SLIT1: variants seen among roughly 807,000 people sequenced by gnomAD.
The protein encoded by SLIT1 is slit guidance ligand 1.
Under a neutral mutation model 186.1 loss-of-function variants are expected in SLIT1, and 66 were observed. The observed-to-expected ratio is 0.35, with a 90% confidence interval of 0.29 to 0.44. SLIT1 has a LOEUF of 0.44. Among genes scored for constraint, SLIT1 ranks in the 20% least tolerant of loss-of-function variants. The pLI is 1.00. For missense variants in SLIT1, 1,638 were observed against 2,037.4 expected, an observed-to-expected ratio of 0.80 and a Z score of 3.77; for synonymous variants, 761 against 833.8, an observed-to-expected ratio of 0.91 and a Z score of 1.50.
intron 12 of SLIT1, among the ~76,000 whole-genome samples, chr10:97,056,757 T>A (rs1250170006): frequency 2.3e-5 from 3 of 128,216 alleles, no homozygotes; most frequent in Admixed American, 7.2e-5. Flanking sequence ...TGTGAAGGCA[T>A]TTTTGGGGGG....
intron 4 of SLIT1, among the ~76,000 whole-genome samples, chr10:97,143,922 GC>G (rs1489803715): frequency 6.6e-6 from 1 of 152,234 alleles, no homozygotes; most frequent in Non-Finnish European, 1.5e-5. Flanking sequence ...AACAGGCTGA[GC>G]GCAGTGGCTC....
intron 16 of SLIT1, among the ~76,000 whole-genome samples, chr10:97,047,410 C>T (rs568462229): frequency 5.3e-5 from 8 of 152,288 alleles, no homozygotes; most frequent in South Asian, 4.2e-4. Context: ...ATAAGACAAA[C>T]GCATCGTTGA....
chr10:97,183,964 A>AC (rs1850375649), intron 1 of SLIT1, among the ~76,000 whole-genome samples: 1 of 147,074 alleles, frequency 6.8e-6, no homozygotes, highest in Non-Finnish European at 1.5e-5. Flanking sequence ...GTTTGGTACC[A>AC]CCTCTCCCCA....
At chr10:97,140,163 C>T (rs918969613) in intron 4 of SLIT1, among the ~76,000 whole-genome samples, 2 of 152,104 alleles carry the variant, frequency 1.3e-5, no homozygotes, top group Non-Finnish European at 2.9e-5. Context: ...GCCCCTGTCT[C>T]CCTGCCAAGG....
chr10:97,032,611 T>C (rs930268942), intron 23 of SLIT1, among the ~76,000 whole-genome samples: 2 of 151,694 alleles, frequency 1.3e-5, no homozygotes, highest in Non-Finnish European at 2.9e-5. Context: ...ATTTTCATTA[T>C]AGCTTTCAGT....
At chr10:97,128,008 G>A (rs553212321) in intron 4 of SLIT1, among the ~76,000 whole-genome samples, 1 of 152,128 alleles carries the variant, frequency 6.6e-6, no homozygotes, top group South Asian at 2.1e-4. Flanking sequence ...TCCCACACTG[G>A]CCTCCAAGAA....
In SLIT1 at chr10:97,021,392, T is replaced by C. The variant is rs1196784378; in HGVS notation, c.2604A>G (p.Leu868=). The C allele has an allele frequency of 1.2e-5, 20 of 1,614,010 alleles. No homozygotes were observed. Among genetic ancestry groups the C allele is most frequent in the South Asian group, 3.3e-5 (3 of 91,070 alleles). Residue 868 remains leucine, a synonymous_variant, in exon 26 of 37, where the codon CTA becomes CTG. Coordinates refer to ENST00000266058, the MANE Select transcript of SLIT1 (RefSeq NM_003061.3). The surrounding 1 kb of genome is among the most constrained non-coding windows in gnomAD (Gnocchi z 4.5). ...GCCAGCGGAGGTGGCAGTCACAGTA[T>C]AGGGGGTTGGCACCAATGGCCCTGA... ...LSHLAIGANP[L]YCDCHLRWLS...
At chr10:97,078,333 C>A (rs1457441151) in intron 4 of SLIT1, among the ~76,000 whole-genome samples, 2 of 152,138 alleles carry the variant, frequency 1.3e-5, no homozygotes, top group African/African-American at 4.8e-5. Flanking sequence ...CGCGAAGCCA[C>A]AAACCCTCCT....
intron 4 of SLIT1, among the ~76,000 whole-genome samples, chr10:97,095,119 C>T (rs1433484610): frequency 2.0e-5 from 3 of 152,234 alleles, no homozygotes; most frequent in Admixed American, 2.0e-4. Context: ...CCCGTCTCTA[C>T]TGAAAATACA....
intron 4 of SLIT1, among the ~76,000 whole-genome samples, chr10:97,130,550 A>G (rs1412405897): frequency 6.6e-6 from 1 of 152,224 alleles, no homozygotes; most frequent in Non-Finnish European, 1.5e-5. Flanking sequence ...GGTACCCAGC[A>G]CGGTCAAATT....
chr10:97,043,096 A>G lies in SLIT1; in HGVS notation c.1998-29T>C, dbSNP rs528622119. 92 of 1,607,574 alleles carry G rather than the reference A, an allele frequency of 5.7e-5. 2 individuals are homozygous for G. The South Asian group carries it at 1.0e-3, about 18-fold the overall frequency. ...GAAGAGGCAGGCCAGGCGGCCATGG[A>G]GACACTCTGCCCCTCTCAGAGGTCC... On this transcript the variant is annotated intron_variant, in intron 19 of 36. Coordinates refer to ENST00000266058, the MANE Select transcript of SLIT1 (RefSeq NM_003061.3). The surrounding 1 kb of genome is among the most constrained non-coding windows in gnomAD (Gnocchi z 7.0).
At chr10:97,141,710 TTGTAC>T (rs1401147308) in intron 4 of SLIT1, among the ~76,000 whole-genome samples, 6 of 99,364 alleles carry the variant, frequency 6.0e-5, no homozygotes, top group Admixed American at 1.9e-4. Flanking sequence ...TCGTATTGTA[TTGTAC>T]TGTATTGTAT....
At chr10:97,164,667 C>T (rs1016523258) in intron 2 of SLIT1, 152 bp downstream of exon 2, 3 of 660,250 alleles carry the variant, frequency 4.5e-6, no homozygotes, top group African/African-American at 3.6e-5. Flanking sequence ...CAACATCACC[C>T]CACCCGACAC....
At chr10:97,078,996 A>G (rs1232587458) in intron 4 of SLIT1, among the ~76,000 whole-genome samples, 1 of 152,226 alleles carries the variant, frequency 6.6e-6, no homozygotes, top group Admixed American at 6.5e-5. Context: ...GTGGTGCAGG[A>G]GGACAAAGAA....
intron 4 of SLIT1, among the ~76,000 whole-genome samples, chr10:97,128,158 C>A (rs1181676874): frequency 6.6e-6 from 1 of 152,108 alleles, no homozygotes; most frequent in African/African-American, 2.4e-5. Context: ...TCAGCCCTGG[C>A]CCTCTTCTCC....
chr10:97,069,446 C>T (rs142842406), intron 4 of SLIT1, among the ~76,000 whole-genome samples: 3 of 152,354 alleles, frequency 2.0e-5, no homozygotes, highest in Admixed American at 2.0e-4. Context: ...GTACTGAAAG[C>T]TGATGGTCTG....
chr10:97,075,755 C>T (rs148533954), intron 4 of SLIT1, among the ~76,000 whole-genome samples: 1 of 152,280 alleles, frequency 6.6e-6, no homozygotes, highest in Non-Finnish European at 1.5e-5. Context: ...TTCTGGGTCC[C>T]ACCTCCTGAG....
chr10:97,011,121 G>GCACT lies in SLIT1; in HGVS notation c.3209_3212dup (p.Cys1071Ter). On this transcript the variant is annotated stop_gained and frameshift_variant, in exon 31 of 37. Coordinates refer to ENST00000266058, the MANE Select transcript of SLIT1 (RefSeq NM_003061.3). LOFTEE classifies it high-confidence loss of function. ...AGTTGTCACCTGCATAACCTGGCATGCACTCACACCTAGTGGGTGGGGGGC... is the reference window on the plus strand; with the variant it reads ...AGTTGTCACCTGCATAACCTGGCATGCACTCACTCACACCTAGTGGGTGGGGGGC... 3 of 1,613,464 alleles carry GCACT rather than the reference G, an allele frequency of 1.9e-6. No individual in the cohort carries two copies. The highest frequency in any genetic ancestry group is 1.7e-6 in the Non-Finnish European group (2 of 1,179,494).
intron 4 of SLIT1, among the ~76,000 whole-genome samples, chr10:97,088,586 C>T (rs1445897179): frequency 2.0e-5 from 3 of 152,122 alleles, no homozygotes; most frequent in Non-Finnish European, 2.9e-5. Context: ...ACGTACTATA[C>T]AGGAAAGAGT....
Sources: allele counts gnomAD v4.1 joint callset (sites outside exome capture counted in the v4.1 genomes callset), GRCh38; gene constraint gnomAD v4.1.1; non-coding constraint Gnocchi (gnomAD v3.1); transcripts MANE v1.5; gene names NCBI Gene and HGNC (gene_info 2026-07-23, HGNC 2026-07-21).